The following MANSC1 variants were observed in gnomAD, a reference collection of about 807,000 sequenced individuals.
MANSC1 encodes MANSC domain containing 1, also known as MANSC domain-containing protein 1.
MANSC1 carries 13 observed loss-of-function variants against 14.1 expected under a neutral mutation model. The ratio of observed to expected loss-of-function variants is 0.92; its 90% CI spans 0.60 to 1.46. The LOEUF is 1.46. Among genes scored for constraint, MANSC1 ranks in the 40% most tolerant of loss-of-function variants. The pLI is 0.00. For missense variants in MANSC1, 486 were observed against 511.4 expected, an observed-to-expected ratio of 0.95 and a Z score of 0.48; for synonymous variants, 227 against 200.7, an observed-to-expected ratio of 1.13 and a Z score of -1.11.
rs957838023 is a variant in MANSC1 at position 12,329,798 on chromosome 12, C to T, written c.*229G>A. On this transcript the variant is annotated 3_prime_UTR_variant, in exon 4 of 4. Transcript: ENST00000535902. Reference sequence around the variant, plus strand: ...ACTTAGGAGGCTGAGGCAGGAGAATCGCTTGAACCCAGGAGACGGAGGTTG... The same window carrying T: ...ACTTAGGAGGCTGAGGCAGGAGAATTGCTTGAACCCAGGAGACGGAGGTTG... 3.0e-5 allele frequency: 14 copies of T among 470,148 alleles called. No homozygotes were observed. The Admixed American group carries it at 3.0e-4, about 10-fold the overall frequency. 29.1% of individuals were successfully genotyped at this position (470,148 alleles called of 1,614,324 possible). A position where few individuals can be genotyped will look rare whatever the true frequency, so the allele number is the denominator to read the frequency against.
In MANSC1 at chr12:12,327,819, C is replaced by G. The variant is rs2135985170; in HGVS notation, c.*2208G>C. The G allele has an allele frequency of 6.6e-6, 1 of 152,236 alleles. No individual in the cohort carries two copies. Among genetic ancestry groups the G allele is most frequent in the African/African-American group, 2.4e-5 (1 of 41,518 alleles). 9.4% of individuals were successfully genotyped at this position (152,236 alleles called of 1,614,324 possible). A position where few individuals can be genotyped will look rare whatever the true frequency, so the allele number is the denominator to read the frequency against. ...TAGTATTTTCAATAGACCAGCTTTC[C>G]TCTTAATGTACTTTATGAACTTAGT... On this transcript the variant is annotated 3_prime_UTR_variant, in exon 4 of 4. Transcript: ENST00000535902.
chr12:12,342,576 GTTTTTTTGT>G (rs1249095560), intron 2 of MANSC1, among the ~76,000 whole-genome samples: 179 of 103,986 alleles, frequency 1.7e-3, no homozygotes, highest in East Asian at 0.012. Flanking sequence ...AGTAGTCAGT[GTTTTTTTGT>G]TTTTTTTTTT....
chr12:12,339,170 C>G (rs1482799043), intron 2 of MANSC1: 1 of 163,786 alleles, frequency 6.1e-6, no homozygotes, highest in Non-Finnish European at 1.3e-5. Flanking sequence ...ACACCCTGAG[C>G]AGGCCTGATG....
intron 1 of MANSC1, among the ~76,000 whole-genome samples, chr12:12,347,042 G>A (rs925846993): frequency 6.6e-6 from 1 of 151,934 alleles, no homozygotes; most frequent in Non-Finnish European, 1.5e-5. Flanking sequence ...TCTCGCACCA[G>A]GGACCAGTTT....
chr12:12,342,465 C>G lies in MANSC1; in HGVS notation c.223+627G>C, dbSNP rs191920462. ...ACTTAAATCCTAAAATATGCAAGTC[C>G]TGGTTCAAACCTATGGGTCTCAGTT... On this transcript the variant is annotated intron_variant, in intron 2 of 3. Transcript: ENST00000535902. Among the ~76,000 whole-genome samples, 15 of 152,040 alleles carry G rather than the reference C, an allele frequency of 9.9e-5. No homozygotes were observed. In the East Asian group the frequency reaches 2.9e-3, roughly 29 times the overall value.
chr12:12,338,725 G>C (rs1489175930), intron 2 of MANSC1, 165 bp from the exon 3 acceptor site: 2 of 655,178 alleles, frequency 3.1e-6, no homozygotes, highest in Non-Finnish European at 5.1e-6. Flanking sequence ...TAGCTTAGTT[G>C]CTTAAGGCAA....
chr12:12,340,333 A>G (rs1261513152), intron 2 of MANSC1, among the ~76,000 whole-genome samples: 1 of 152,240 alleles, frequency 6.6e-6, no homozygotes, highest in East Asian at 1.9e-4. Context: ...CAATGGTGAG[A>G]GATCAACTCC....
In MANSC1 at chr12:12,343,083, A is replaced by C. The variant is rs1365956390; in HGVS notation, c.223+9T>G. 1 of 1,598,024 alleles carries C rather than the reference A, an allele frequency of 6.3e-7. No homozygotes were observed. ...TGGAACAAAGGATTGCCAAGAAACC[A>C]CTATTTACCTGATATGTTTTTTGTT... On this transcript the variant is annotated intron_variant, in intron 2 of 3. Transcript: ENST00000535902.
Position 12,330,686 on chromosome 12 carries a change from G to T in MANSC1, c.637C>A (p.Gln213Lys), listed in dbSNP as rs745309923. 1.9e-6 allele frequency: 3 copies of T among 1,614,214 alleles called. No individual in the cohort carries two copies. The Admixed American group carries it at 5.0e-5, about 27-fold the overall frequency. The change falls in exon 4 of 4, where the codon CAA becomes AAA. Residue 213 changes from glutamine to lysine, a missense_variant. Gln to Lys is a moderately conservative substitution (Grantham distance 53). Coordinates refer to ENST00000535902, the MANE Select transcript of MANSC1 (RefSeq NM_018050.4). ...HSQSSQFSSD[Q>K]EIAHLLPENV... The stretch of plus-strand genomic sequence containing the variant: ...TCAGGCAGCAGATGAGCTATTTCTT[G>T]ATCAGAGGAAAATTGTGAACTCTGA...
intron 1 of MANSC1, among the ~76,000 whole-genome samples, chr12:12,345,942 C>A (rs931104312): frequency 6.6e-6 from 1 of 152,188 alleles, no homozygotes; most frequent in African/African-American, 2.4e-5. Context: ...AGAGATATAA[C>A]ATGTTCATGG....
In MANSC1 at chr12:12,330,490, G is replaced by T; in HGVS notation, c.833C>A (p.Pro278His). 1 of 1,614,208 alleles carries T rather than the reference G, an allele frequency of 6.2e-7. No individual in the cohort carries two copies. The highest frequency in any genetic ancestry group is 8.5e-7 in the Non-Finnish European group (1 of 1,180,038). Residue 278 changes from proline (P) to histidine (H), a missense_variant, in exon 4 of 4, where the codon CCT becomes CAT. Coordinates refer to ENST00000535902, the MANE Select transcript of MANSC1 (RefSeq NM_018050.4). Reference protein sequence around the residue: ...APPVTTVTSQPPTTLISTVFT... With the variant: ...APPVTTVTSQHPTTLISTVFT... ...AACTGTAGAAATGAGGGTCGTGGGA[G>T]GCTGAGAAGTGACAGTGGTTACAGG...
At chr12:12,349,374 G>T (rs987313793) in intron 1 of MANSC1, among the ~76,000 whole-genome samples, 5 of 152,322 alleles carry the variant, frequency 3.3e-5, no homozygotes, top group East Asian at 3.9e-4. Context: ...CCTGAACTAT[G>T]TAAGGAGATG....
chr12:12,348,689 G>A lies in MANSC1; in HGVS notation c.-101+1389C>T, dbSNP rs1457965893. ...CAGAGTGAACATTATGTGAACTATG[G>A]ACTTTTAGTTTTAAAAAAAGGTAAA... On this transcript the variant is annotated intron_variant, in intron 1 of 3. Coordinates refer to ENST00000535902, the MANE Select transcript of MANSC1 (RefSeq NM_018050.4). Among the ~76,000 whole-genome samples, 67 of 136,926 alleles carry A rather than the reference G, an allele frequency of 4.9e-4. 2 individuals are homozygous for A. Among genetic ancestry groups the A allele is most frequent in the Non-Finnish European group, 6.3e-4 (41 of 65,064 alleles). 89.8% of individuals were successfully genotyped at this position (136,926 alleles called of 152,430 possible). A position where few individuals can be genotyped will look rare whatever the true frequency, so the allele number is the denominator to read the frequency against.
chr12:12,342,026 C>T (rs1001505635), intron 2 of MANSC1, among the ~76,000 whole-genome samples: 1 of 152,236 alleles, frequency 6.6e-6, no homozygotes, highest in African/African-American at 2.4e-5. Context: ...CCACTGCAGC[C>T]TCAACCCCCT....
chr12:12,330,636 C>G lies in MANSC1; in HGVS notation c.687G>C (p.Thr229=). The part of the protein sequence containing the change: ...LPENVSALPA[T]VAVASPHTTS... The stretch of plus-strand genomic sequence containing the variant: ...TGGTATGTGGAGAAGCAACTGCCAC[C>G]GTAGCTGGGAGCGCACTCACATTTT... Residue 229 remains threonine (T), a synonymous_variant, in exon 4 of 4, where the codon ACG becomes ACC. Coordinates refer to ENST00000535902, the MANE Select transcript of MANSC1 (RefSeq NM_018050.4). 1.2e-6 allele frequency: 2 copies of G among 1,614,088 alleles called. No homozygotes were observed. The highest frequency in any genetic ancestry group is 1.7e-6 in the Non-Finnish European group (2 of 1,179,992).
chr12:12,344,138 G>A (rs529034690), intron 1 of MANSC1, among the ~76,000 whole-genome samples: 13 of 151,740 alleles, frequency 8.6e-5, no homozygotes, highest in African/African-American at 2.7e-4. Context: ...AGTAAAAATA[G>A]GTGACAATAT....
intron 1 of MANSC1, among the ~76,000 whole-genome samples, chr12:12,348,632 A>G (rs1277502181): frequency 6.6e-6 from 1 of 151,878 alleles, no homozygotes; most frequent in African/African-American, 2.4e-5. Flanking sequence ...GTTATTGAAC[A>G]TCTGTCAAAA....
At position 12,346,265 on chromosome 12, in the gene MANSC1, C is replaced by T. The variant is rs536242904; in HGVS notation, c.-100-2851G>A. ...CAGCCTGGGCGACAGAGCGAGACTC[C>T]GTCTCAAAAAAAAAAAGGTATCAGT... On this transcript the variant is annotated intron_variant, in intron 1 of 3. Coordinates refer to ENST00000535902, the MANE Select transcript of MANSC1 (RefSeq NM_018050.4). 3.2e-3 allele frequency among the ~76,000 whole-genome samples: 474 copies of T among 148,264 alleles called. 3 individuals carry two copies. The highest frequency in any genetic ancestry group is 9.6e-3 in the African/African-American group (381 of 39,536).
chr12:12,342,014 G>GTT (rs1862940494), intron 2 of MANSC1, among the ~76,000 whole-genome samples: 2 of 152,180 alleles, frequency 1.3e-5, no homozygotes, highest in African/African-American at 4.8e-5. Flanking sequence ...AAACAAAAAA[G>GTT]TCCACTGCAG....
Sources: gnomAD v4.1 joint callset for allele counts (sites outside exome capture counted in the v4.1 genomes callset) on GRCh38, gnomAD v4.1.1 for gene constraint, MANE v1.5 for transcripts, NCBI Gene and HGNC (gene_info 2026-07-23, HGNC 2026-07-21) for gene names.